SLC9A9: variants seen among roughly 807,000 people sequenced by gnomAD.
SLC9A9 encodes sodium/hydrogen exchanger 9.
In SLC9A9, 62 loss-of-function variants were observed where a neutral mutation model predicts 77.8. That is an observed-to-expected ratio of 0.80 (90% CI 0.65 to 0.98). The LOEUF (loss-of-function observed/expected upper bound fraction) is 0.98, where lower values mean the gene tolerates loss of function less well. Among genes scored for constraint, SLC9A9 ranks in the 50% least tolerant of loss-of-function variants. The probability of loss-of-function intolerance (pLI) is 0.00; values close to 1 mark genes in which losing one functional copy is unlikely to be tolerated. For synonymous variants in SLC9A9, 320 were observed against 283.5 expected, an observed-to-expected ratio of 1.13 and a Z score of -1.29; for missense variants, 775 against 774.9, an observed-to-expected ratio of 1.00 and a Z score of 0.00.
In SLC9A9 at chr3:143,467,944, C is replaced by CT. The variant is rs2035313578; in HGVS notation, c.1316-755dup. Among the ~76,000 whole-genome samples, 18 of 152,186 alleles carry CT rather than the reference C, an allele frequency of 1.2e-4. No individual in the cohort carries two copies. In the South Asian group the frequency reaches 3.7e-3, roughly 32 times the overall value. ...GCAGTATATAGTCTCTTGGAATTGC[C>CT]TTTTTTTAACCCAGCAAAAGTTGCT... On this transcript the variant is annotated intron_variant, in intron 11 of 15. Coordinates refer to ENST00000316549, the MANE Select transcript of SLC9A9 (RefSeq NM_173653.4).
intron 6 of SLC9A9, among the ~76,000 whole-genome samples, chr3:143,629,564 T>G (rs1489963616): frequency 3.3e-5 from 5 of 151,006 alleles, no homozygotes; most frequent in Admixed American, 3.3e-4. Context: ...TATATGTGCG[T>G]GTGTGTGCGT....
chr3:143,445,988 A>T (rs1189972333), intron 12 of SLC9A9, among the ~76,000 whole-genome samples: 3 of 152,116 alleles, frequency 2.0e-5, no homozygotes, highest in Non-Finnish European at 1.5e-5. Context: ...AGTGAGAAGA[A>T]AGGATTGGTA....
At chr3:143,723,705 A>G (rs557483543) in intron 4 of SLC9A9, among the ~76,000 whole-genome samples, 1 of 152,312 alleles carries the variant, frequency 6.6e-6, no homozygotes, top group South Asian at 2.1e-4. Flanking sequence ...AAGAACTTGA[A>G]GGAGCATGGT....
rs369994987 is a variant in SLC9A9 at position 143,737,825 on chromosome 3, T to C, written c.534-44518A>G. On this transcript the variant is annotated intron_variant, in intron 4 of 15. Coordinates refer to ENST00000316549, the MANE Select transcript of SLC9A9 (RefSeq NM_173653.4). ...AGTAAGACAGAATACCCAGTCTCAG[T>C]CACCCCGGCCCGAGATTTTACCATC... Among the ~76,000 whole-genome samples, 8 of 152,258 alleles carry C rather than the reference T, an allele frequency of 5.3e-5. 1 individual carries two copies. The highest frequency in any genetic ancestry group is 3.3e-4 in the Admixed American group (5 of 15,290).
chr3:143,502,599 C>A (rs1385515887), intron 9 of SLC9A9, among the ~76,000 whole-genome samples: 2 of 152,108 alleles, frequency 1.3e-5, no homozygotes, highest in East Asian at 3.9e-4. Context: ...ATATTACAGC[C>A]GTTCAATATA....
intron 6 of SLC9A9, among the ~76,000 whole-genome samples, chr3:143,583,124 G>T (rs916287581): frequency 6.6e-6 from 1 of 152,004 alleles, no homozygotes; most frequent in Non-Finnish European, 1.5e-5. Flanking sequence ...CTGCACCCTA[G>T]CCTGGGTGAC....
chr3:143,478,775 C>A (rs13078996), intron 11 of SLC9A9, among the ~76,000 whole-genome samples: 17,739 of 152,170 alleles, frequency 0.12, 1,183 homozygotes, highest in South Asian at 0.21. Flanking sequence ...ATTTTTTGAA[C>A]ATGGTTTGCT....
chr3:143,343,827 C>T (rs776283854), intron 14 of SLC9A9, among the ~76,000 whole-genome samples: 2 of 152,184 alleles, frequency 1.3e-5, no homozygotes, highest in Non-Finnish European at 2.9e-5. Flanking sequence ...CAACAATGTA[C>T]TGAGCTGACT....
chr3:143,766,061 G>T (rs1263831863), intron 4 of SLC9A9, among the ~76,000 whole-genome samples: 1 of 152,162 alleles, frequency 6.6e-6, no homozygotes, highest in Non-Finnish European at 1.5e-5. Flanking sequence ...ACCCAGCAGA[G>T]CAAAGCCTAA....
intron 8 of SLC9A9, among the ~76,000 whole-genome samples, chr3:143,569,587 CTT>C (rs950800280): frequency 2.0e-5 from 3 of 151,920 alleles, no homozygotes; most frequent in Admixed American, 2.0e-4. Flanking sequence ...TATATTTTTT[CTT>C]TTTTATTATT....
At chr3:143,614,443 T>G (rs928265007) in intron 6 of SLC9A9, among the ~76,000 whole-genome samples, 1 of 152,210 alleles carries the variant, frequency 6.6e-6, no homozygotes, top group Non-Finnish European at 1.5e-5. Context: ...CAAGGATATG[T>G]CCGGCTTGGG....
chr3:143,277,407 A>G (rs115004140), intron 14 of SLC9A9, among the ~76,000 whole-genome samples: 1,818 of 152,310 alleles, frequency 0.012, 35 homozygotes, highest in African/African-American at 0.04. Flanking sequence ...CATTTCAACA[A>G]TGCTCTGAAA....
At chr3:143,308,755 A>T (rs2030909242) in intron 14 of SLC9A9, among the ~76,000 whole-genome samples, 1 of 152,024 alleles carries the variant, frequency 6.6e-6, no homozygotes, top group Admixed American at 6.5e-5. Context: ...CATCAATAGC[A>T]CTGAGCACAG....
At chr3:143,385,337 A>ATC (rs888392494) in intron 12 of SLC9A9, among the ~76,000 whole-genome samples, 1 of 152,136 alleles carries the variant, frequency 6.6e-6, no homozygotes, top group African/African-American at 2.4e-5. Flanking sequence ...AAGGCTTACA[A>ATC]TCACACACAA....
intron 12 of SLC9A9, among the ~76,000 whole-genome samples, chr3:143,458,211 C>T (rs764386403): frequency 7.2e-5 from 11 of 152,018 alleles, no homozygotes; most frequent in African/African-American, 9.7e-5. Flanking sequence ...GGAAAATTTT[C>T]TTGCTCTCAA....
chr3:143,329,761 C>G (rs1234714864), intron 14 of SLC9A9, among the ~76,000 whole-genome samples: 1 of 152,158 alleles, frequency 6.6e-6, no homozygotes, highest in South Asian at 2.1e-4. Flanking sequence ...GCTTGGGCAT[C>G]CCAGCTGCAG....
At chr3:143,710,683 A>G (rs956532609) in intron 4 of SLC9A9, among the ~76,000 whole-genome samples, 3 of 152,206 alleles carry the variant, frequency 2.0e-5, no homozygotes, top group African/African-American at 7.2e-5. Context: ...GTTTTCTCCT[A>G]AAGAGAGTTT....
At chr3:143,674,328 AC>A (rs1003795175) in intron 5 of SLC9A9, among the ~76,000 whole-genome samples, 8 of 151,918 alleles carry the variant, frequency 5.3e-5, no homozygotes, top group African/African-American at 1.9e-4. Context: ...ACCAATCCCA[AC>A]CTCATTTTTA....
At chr3:143,793,423 A>G (rs1437697456) in intron 4 of SLC9A9, among the ~76,000 whole-genome samples, 1 of 152,224 alleles carries the variant, frequency 6.6e-6, no homozygotes, top group Admixed American at 6.5e-5. Flanking sequence ...AAAATTTACT[A>G]TTCTATAATT....
Sources: allele counts gnomAD v4.1 joint callset (sites outside exome capture counted in the v4.1 genomes callset), GRCh38; gene constraint gnomAD v4.1.1; transcripts MANE v1.5; gene names NCBI Gene and HGNC (gene_info 2026-07-23, HGNC 2026-07-21).